The following MOB3B variants were observed in gnomAD, a reference collection of about 807,000 sequenced individuals.
MOB3B encodes the protein MOB kinase activator-like 2B.
Under a neutral mutation model 18.7 loss-of-function variants are expected in MOB3B, and 7 were observed. That is an observed-to-expected ratio of 0.37 (90% CI 0.21 to 0.70). The LOEUF is 0.70. MOB3B is among the 30% of genes least tolerant of loss of function. MOB3B has a pLI of 0.52. For synonymous variants in MOB3B, 111 were observed against 99.9 expected, an observed-to-expected ratio of 1.11 and a Z score of -0.66; for missense variants, 253 against 281.3, an observed-to-expected ratio of 0.90 and a Z score of 0.72.
At chr9:27,380,260 G>A (rs1821556491) in intron 2 of MOB3B, among the ~76,000 whole-genome samples, 2 of 135,704 alleles carry the variant, frequency 1.5e-5, no homozygotes, top group African/African-American at 5.7e-5. Context: ...AAAAGAGATA[G>A]GATTTTTTTT....
intron 1 of MOB3B, among the ~76,000 whole-genome samples, chr9:27,465,189 C>A (rs905897904): frequency 2.0e-5 from 3 of 152,188 alleles, no homozygotes; most frequent in African/African-American, 7.2e-5. Context: ...TTCCTAGACA[C>A]AATGTGCGTA....
chr9:27,461,265 C>G, intron 1 of MOB3B, among the ~76,000 whole-genome samples: 1 of 152,268 alleles, frequency 6.6e-6, no homozygotes, highest in African/African-American at 2.4e-5. Context: ...AAATGAACAT[C>G]GTCTGACCTT....
chr9:27,359,925 T>C (rs1295808227), intron 2 of MOB3B, among the ~76,000 whole-genome samples: 1 of 152,220 alleles, frequency 6.6e-6, no homozygotes, highest in Non-Finnish European at 1.5e-5. Flanking sequence ...AGCTGTTTTG[T>C]TATTTGCACT....
intron 2 of MOB3B, chr9:27,397,184 T>C (rs969961310): frequency 1.3e-5 from 2 of 152,126 alleles, no homozygotes; most frequent in African/African-American, 2.4e-5. Flanking sequence ...TCAAGAGAAA[T>C]GCCTCATACT....
At chr9:27,426,902 G>T (rs1323095790) in intron 2 of MOB3B, among the ~76,000 whole-genome samples, 1 of 152,198 alleles carries the variant, frequency 6.6e-6, no homozygotes, top group Admixed American at 6.5e-5. Context: ...GAGATGGAGG[G>T]TAATGGAATA....
intron 1 of MOB3B, among the ~76,000 whole-genome samples, chr9:27,477,097 T>C (rs1257742944): frequency 2.6e-5 from 4 of 152,188 alleles, no homozygotes; most frequent in Admixed American, 1.3e-4. Flanking sequence ...GACAGGGCAT[T>C]CAAAAGGGCT....
chr9:27,464,260 G>C (rs147052027), intron 1 of MOB3B, among the ~76,000 whole-genome samples: 95 of 152,238 alleles, frequency 6.2e-4, no homozygotes, highest in African/African-American at 2.1e-3. Flanking sequence ...TGCATAGGAG[G>C]AAAGAAAGAA....
At chr9:27,465,608 C>T (rs1819369792) in intron 1 of MOB3B, among the ~76,000 whole-genome samples, 1 of 152,210 alleles carries the variant, frequency 6.6e-6, no homozygotes, top group Non-Finnish European at 1.5e-5. Context: ...CCCTTCTGCA[C>T]TGCCCTAGCG....
At chr9:27,522,479 G>A (rs1587277662) in intron 1 of MOB3B, among the ~76,000 whole-genome samples, 1 of 149,316 alleles carries the variant, frequency 6.7e-6, no homozygotes, top group Admixed American at 6.7e-5. Context: ...AGTGGTATCA[G>A]CCTCTATATG....
At chr9:27,451,637 G>A (rs984627964) in intron 2 of MOB3B, among the ~76,000 whole-genome samples, 1 of 152,118 alleles carries the variant, frequency 6.6e-6, no homozygotes, top group Non-Finnish European at 1.5e-5. Context: ...GTGGGGAGGA[G>A]ATGAAGTTTG....
chr9:27,486,168 G>GGAAT (rs1183694472), intron 1 of MOB3B, among the ~76,000 whole-genome samples: 1 of 152,184 alleles, frequency 6.6e-6, no homozygotes, highest in South Asian at 2.1e-4. Flanking sequence ...TGGTGGACCA[G>GGAAT]GAATGCCTCT....
chr9:27,368,702 A>C (rs1007827081), intron 2 of MOB3B, among the ~76,000 whole-genome samples: 2 of 152,094 alleles, frequency 1.3e-5, no homozygotes, highest in Non-Finnish European at 2.9e-5. Flanking sequence ...GTCTGTTATC[A>C]TGGTGGTTGG....
chr9:27,413,128 T>C (rs1462018185), intron 2 of MOB3B, among the ~76,000 whole-genome samples: 6 of 152,146 alleles, frequency 3.9e-5, no homozygotes, highest in Admixed American at 2.6e-4. Flanking sequence ...CAGTCAGTAG[T>C]GGGAGAAGAA....
chr9:27,391,790 CT>C (rs932739629), intron 2 of MOB3B: 3 of 152,174 alleles, frequency 2.0e-5, no homozygotes, highest in Non-Finnish European at 4.4e-5. Flanking sequence ...ATAAAAGTGA[CT>C]TCAAATTTAG....
chr9:27,419,451 A>T (rs987630218), intron 2 of MOB3B, among the ~76,000 whole-genome samples: 3 of 152,192 alleles, frequency 2.0e-5, no homozygotes, highest in Non-Finnish European at 2.9e-5. Context: ...CTGGTATAAA[A>T]ATAGGCACAT....
At chr9:27,431,546 T>C (rs2131422887) in intron 2 of MOB3B, among the ~76,000 whole-genome samples, 1 of 152,238 alleles carries the variant, frequency 6.6e-6, no homozygotes, top group Admixed American at 6.5e-5. Context: ...TCAACTACTA[T>C]GGAGATAACA....
Position 27,444,308 on chromosome 9 carries a change from GAAGGAAGA to G in MOB3B, c.418+10817_418+10824del, listed in dbSNP as rs1428973024. 1.0e-4 allele frequency among the ~76,000 whole-genome samples: 15 copies of G among 149,334 alleles called. 1 individual carries two copies. Among genetic ancestry groups the G allele is most frequent in the African/African-American group, 1.7e-4 (7 of 40,342 alleles). ...GGAGGGAAGGAAGGAAGGAAGAAAG[GAAGGAAGA>G]AAGGAAGGAAGGAAGGAAAAGATAA... On this transcript the variant is annotated intron_variant, in intron 2 of 3. Coordinates refer to ENST00000262244, the MANE Select transcript of MOB3B (RefSeq NM_024761.5).
intron 1 of MOB3B, among the ~76,000 whole-genome samples, chr9:27,481,505 T>G (rs10967955): frequency 3.9e-5 from 2 of 51,696 alleles, no homozygotes; most frequent in East Asian, 1.7e-3. Flanking sequence ...TAGTTTTTTT[T>G]TTTTTGTTTT....
At chr9:27,377,885 C>G (rs1426425468) in intron 2 of MOB3B, among the ~76,000 whole-genome samples, 1 of 152,190 alleles carries the variant, frequency 6.6e-6, no homozygotes, top group African/African-American at 2.4e-5. Flanking sequence ...AACCCTAGGT[C>G]CCCCACAGGG....
Sources: gnomAD v4.1 joint callset for allele counts (sites outside exome capture counted in the v4.1 genomes callset) on GRCh38, gnomAD v4.1.1 for gene constraint, MANE v1.5 for transcripts, NCBI Gene and HGNC (gene_info 2026-07-23, HGNC 2026-07-21) for gene names.